Variants in AP1S2 observed in about 807,000 individuals in gnomAD.
AP1S2 encodes the protein AP-1 complex subunit sigma-2.
AP1S2 carries 1 observed loss-of-function variant against 14.3 expected under a neutral mutation model. The ratio of observed to expected loss-of-function variants is 0.07; its 90% confidence interval spans 0.02 to 0.33. The LOEUF (loss-of-function observed/expected upper bound fraction) is 0.33. Among genes scored for constraint, AP1S2 ranks in the 10% least tolerant of loss-of-function variants. AP1S2 has a pLI of 0.99. For missense variants in AP1S2, 30 were observed against 117.7 expected (o/e 0.25, Z 3.45); for synonymous variants, 30 against 40.5 (o/e 0.74, Z 0.99).
intron 4 of AP1S2, among the ~76,000 whole-genome samples, chrX:15,842,411 G>A (rs776927226): frequency 9.0e-6 from 1 of 111,470 alleles, no homozygotes; most frequent in Non-Finnish European, 1.9e-5. Context: ...CTTAACCTAC[G>A]ATGTATTCTC....
chrX:15,840,232 C>G (rs1203930026), intron 4 of AP1S2, among the ~76,000 whole-genome samples: 1 of 111,750 alleles, frequency 8.9e-6, no homozygotes, highest in Non-Finnish European at 1.9e-5. Context: ...GAAAAAATAC[C>G]AACAGCAAAC....
At chrX:15,829,325 TTAAAA>T (rs887898983) in intron 4 of AP1S2, among the ~76,000 whole-genome samples, 3 of 111,808 alleles carry the variant, frequency 2.7e-5, no homozygotes, top group African/African-American at 9.7e-5. Context: ...CAAGAAAAAT[TTAAAA>T]TAATTATTTC....
chrX:15,854,203 C>T (rs993347245), intron 1 of AP1S2, among the ~76,000 whole-genome samples: 4 of 112,770 alleles, frequency 3.5e-5, no homozygotes, highest in Non-Finnish European at 7.5e-5. Context: ...GCATTAAAAA[C>T]AATGGGCTCA....
At chrX:15,832,445 A>G (rs1242463763) in intron 4 of AP1S2, 1 of 714,319 alleles carries the variant, frequency 1.4e-6, no homozygotes. Context: ...ATTAATTACA[A>G]ACGTATCTGA....
At position 15,830,572 on chromosome X, in the gene AP1S2, T is replaced by C. The variant is rs1485017358; in HGVS notation, c.427-2372A>G. ...TATAAACAATGAATTCTTTTCCTTT[T>C]ATAAAAAAATATGCTGCATGTTTTA... On this transcript the variant is annotated intron_variant, in intron 4 of 5. Transcript: ENST00000672987. 4.6e-6 allele frequency: 3 copies of C among 650,851 alleles called. No individual in the cohort carries two copies. The East Asian group carries it at 4.8e-4, about 105-fold the overall frequency. 53.6% of individuals were successfully genotyped at this position (650,851 alleles called of 1,213,427 possible).
intron 2 of AP1S2, among the ~76,000 whole-genome samples, chrX:15,850,608 T>C (rs1934148584): frequency 9.2e-6 from 1 of 108,750 alleles, no homozygotes; most frequent in South Asian, 4.0e-4. Flanking sequence ...GCGATTCTCC[T>C]GCCTCGACCT....
intron 4 of AP1S2, among the ~76,000 whole-genome samples, chrX:15,828,867 G>A (rs1368561272): frequency 9.0e-6 from 1 of 111,372 alleles, no homozygotes. Flanking sequence ...TGAGAGTCTT[G>A]GTTGGAATCT....
intron 2 of AP1S2, among the ~76,000 whole-genome samples, chrX:15,846,904 T>A (rs1934016217): frequency 8.9e-6 from 1 of 112,266 alleles, no homozygotes; most frequent in African/African-American, 3.2e-5. Flanking sequence ...AATCATGTTA[T>A]GCTTGACCCA....
At chrX:15,852,292 TAAA>T in intron 2 of AP1S2, 51 bp downstream of exon 2, 1 of 1,102,806 alleles carries the variant, frequency 9.1e-7, no homozygotes, top group Non-Finnish European at 1.2e-6. Flanking sequence ...TGCAATTTCC[TAAA>T]TGACCTAACA....
intron 2 of AP1S2, among the ~76,000 whole-genome samples, chrX:15,850,516 TA>T (rs201626976): frequency 1.5e-4 from 11 of 72,146 alleles, no homozygotes; most frequent in Non-Finnish European, 2.8e-4. Flanking sequence ...CACGCCCAGC[TA>T]ATTTTTTTTT....
At chrX:15,849,244 C>G (rs966157886) in intron 2 of AP1S2, among the ~76,000 whole-genome samples, 6 of 112,214 alleles carry the variant, frequency 5.3e-5, no homozygotes, top group Non-Finnish European at 9.4e-5. Context: ...ATTTGTATGC[C>G]AAATACTCAG....
At chrX:15,830,422 C>G (rs1255105486) in intron 4 of AP1S2, 4 of 748,280 alleles carry the variant, frequency 5.3e-6, no homozygotes, top group Non-Finnish European at 6.3e-6. Context: ...ATCTGTGTAC[C>G]TGCCTAATAC....
chrX:15,827,187 A>G lies in AP1S2; in HGVS notation c.*138T>C, dbSNP rs780308831. On this transcript the variant is annotated 3_prime_UTR_variant, in exon 6 of 6. Coordinates refer to ENST00000672987, the MANE Select transcript of AP1S2 (RefSeq NM_001272071.2). Reference sequence around the variant, plus strand: ...GTTCCCTTTTAAAAAAAAATTGTGTAGGCATGAATGAAGCGGCTTAGCAAA... The same window carrying G: ...GTTCCCTTTTAAAAAAAAATTGTGTGGGCATGAATGAAGCGGCTTAGCAAA... 1.5e-5 allele frequency: 9 copies of G among 605,522 alleles called. No homozygotes were observed. The highest frequency in any genetic ancestry group is 9.6e-5 in the South Asian group (4 of 41,759). The allele number at this position is 605,522 out of a possible 1,213,427, so 49.9% of individuals were successfully genotyped here.
chrX:15,852,216 T>C, intron 2 of AP1S2, 130 bp downstream of exon 2: 1 of 626,412 alleles, frequency 1.6e-6, no homozygotes, highest in Non-Finnish European at 2.4e-6. Context: ...AACACAAAGC[T>C]TTACCTTAAA....
chrX:15,826,863 T>C lies in AP1S2; in HGVS notation c.*462A>G, dbSNP rs1290681292. Reference sequence around the variant, plus strand: ...AAGTTTCAACAAAGTTTCCATTCATTTGATATGTGACATGTCAATTCCCTT... The same window carrying C: ...AAGTTTCAACAAAGTTTCCATTCATCTGATATGTGACATGTCAATTCCCTT... On this transcript the variant is annotated 3_prime_UTR_variant, in exon 6 of 6. Coordinates refer to ENST00000672987, the MANE Select transcript of AP1S2 (RefSeq NM_001272071.2). 1 of 110,082 alleles carries C rather than the reference T, an allele frequency of 9.1e-6. No homozygotes were observed. The highest frequency in any genetic ancestry group is 1.9e-5 in the Non-Finnish European group (1 of 53,155). The allele number at this position is 110,082 out of a possible 1,213,427, so 9.1% of individuals were successfully genotyped here.
chrX:15,833,822 G>T (rs1933508967), intron 4 of AP1S2, among the ~76,000 whole-genome samples: 1 of 111,588 alleles, frequency 9.0e-6, no homozygotes, highest in African/African-American at 3.3e-5. Context: ...ATTAGGGAGG[G>T]TGAGAGTAAA....
At chrX:15,835,053 G>A (rs1032475372) in intron 4 of AP1S2, among the ~76,000 whole-genome samples, 7 of 111,382 alleles carry the variant, frequency 6.3e-5, no homozygotes, top group South Asian at 7.4e-4. Context: ...AAGCTATAAC[G>A]AACACTGATA....
intron 4 of AP1S2, among the ~76,000 whole-genome samples, chrX:15,844,145 A>G (rs753273985): frequency 2.5e-4 from 28 of 112,465 alleles, no homozygotes; most frequent in South Asian, 2.2e-3. Context: ...ACTTCAAGCA[A>G]TCCCCACAAC....
intron 4 of AP1S2, among the ~76,000 whole-genome samples, chrX:15,842,985 C>T (rs1933882851): frequency 9.6e-6 from 1 of 103,924 alleles, no homozygotes; most frequent in Non-Finnish European, 2.0e-5. Flanking sequence ...GAAATTGCAC[C>T]ACTGCACTCC....
Sources: allele counts gnomAD v4.1 joint callset (sites outside exome capture counted in the v4.1 genomes callset), GRCh38; gene constraint gnomAD v4.1.1; transcripts MANE v1.5; gene names NCBI Gene and HGNC (gene_info 2026-07-23, HGNC 2026-07-21).